GYS2: variants seen among roughly 807,000 people sequenced by gnomAD.
GYS2 encodes the protein glycogen synthase 2.
Under a neutral mutation model 85.6 loss-of-function variants are expected in GYS2, and 80 were observed. The ratio of observed to expected loss-of-function variants is 0.93; its 90% confidence interval spans 0.78 to 1.13. The LOEUF is 1.13. GYS2 is among the 50% of genes most tolerant of loss of function. GYS2 has a pLI of 0.00. For missense variants in GYS2, 881 were observed against 854.9 expected (o/e 1.03, Z -0.38); for synonymous variants, 328 against 300.7 (o/e 1.09, Z -0.94).
At position 21,604,472 on chromosome 12, in the gene GYS2, C is replaced by G; in HGVS notation, c.121G>C (p.Val41Leu). 1 of 1,596,750 alleles carries G rather than the reference C, an allele frequency of 6.3e-7. No homozygotes were observed. The highest frequency in any genetic ancestry group is 8.6e-7 in the Non-Finnish European group (1 of 1,164,650). ...FEVAWEVTNK[V>L]GGIYTVIQTK... is the part of the protein sequence containing the mutation. ...ATCCACCTTCAGGAGCAGTACAAAC[C>G]TTTATTGGTCACTTCCCAAGCAACT... Residue 41 changes from valine (V) to leucine (L), a missense_variant and splice_region_variant, in exon 1 of 16, where the codon GTT becomes CTT. Transcript: ENST00000261195.
chr12:21,545,664 T>G (rs985419351), intron 12 of GYS2, among the ~76,000 whole-genome samples: 3 of 152,116 alleles, frequency 2.0e-5, no homozygotes, highest in Non-Finnish European at 2.9e-5. Context: ...GAAAAATACA[T>G]AGTAAACCTG....
intron 7 of GYS2, 129 bp from the exon 8 acceptor site, chr12:21,560,621 C>A: frequency 1.5e-6 from 1 of 659,382 alleles, no homozygotes; most frequent in Non-Finnish European, 2.7e-6. Context: ...ATTTATGTTT[C>A]ACAGAGAGAT....
rs1209781801 is a variant in GYS2, at chr12:21,537,192, T to C, written c.1891-17A>G. Reference sequence around the variant, plus strand: ...TCCTTCTGTCTGCCAAAGACAAAAATAAGACATAAACATCACAACAGTTTC... The same window carrying C: ...TCCTTCTGTCTGCCAAAGACAAAAACAAGACATAAACATCACAACAGTTTC... On this transcript the variant is annotated splice_polypyrimidine_tract_variant and intron_variant, in intron 15 of 15. Coordinates refer to ENST00000261195, the MANE Select transcript of GYS2 (RefSeq NM_021957.4). 8.9e-6 allele frequency: 14 copies of C among 1,570,168 alleles called. No homozygotes were observed. The highest frequency in any genetic ancestry group is 2.6e-6 in the Non-Finnish European group (3 of 1,140,574).
At chr12:21,567,297 T>C (rs568505900) in intron 5 of GYS2, among the ~76,000 whole-genome samples, 107 of 152,164 alleles carry the variant, frequency 7.0e-4, no homozygotes, top group African/African-American at 2.3e-3. Flanking sequence ...GAAATTTTCA[T>C]TTTAGAATAG....
rs566882849 is a variant in GYS2, at chr12:21,580,322, T to C, written c.303+20A>G. 1.2e-6 allele frequency: 2 copies of C among 1,603,300 alleles called. No homozygotes were observed. The highest frequency in any genetic ancestry group is 4.5e-5 in the East Asian group (2 of 44,836). On this transcript the variant is annotated intron_variant, in intron 2 of 15. Transcript: ENST00000261195. ...CATAAGTTTACTGAGAATTGCCAAG[T>C]GAAGTGTCAGTTCCTTTACCTGGCA...
intron 4 of GYS2, 82 bp downstream of exon 4, chr12:21,574,062 A>G (rs796399905): frequency 1.8e-6 from 2 of 1,107,516 alleles, no homozygotes; most frequent in Non-Finnish European, 2.7e-6. Context: ...TGGCAGATGA[A>G]ATGTACAGAT....
chr12:21,537,372 T>A (rs1943922241), intron 15 of GYS2, 197 bp from the exon 16 acceptor site: 1 of 609,992 alleles, frequency 1.6e-6, no homozygotes, highest in South Asian at 2.0e-5. Flanking sequence ...CTATTCTTTA[T>A]TAAGTACTGA....
At chr12:21,541,323 C>T (rs865936453) in intron 13 of GYS2, among the ~76,000 whole-genome samples, 32 of 136,992 alleles carry the variant, frequency 2.3e-4, no homozygotes, top group African/African-American at 7.6e-4. Flanking sequence ...AATGTATTGG[C>T]AGACAATATA....
At chr12:21,568,750 C>A (rs762233144) in intron 5 of GYS2, 115 bp downstream of exon 5, 1 of 854,180 alleles carries the variant, frequency 1.2e-6, no homozygotes, top group Non-Finnish European at 2.0e-6. Flanking sequence ...AAAAGAGCTG[C>A]GTGGTAACTG....
At chr12:21,576,627 A>T (rs747053684) in intron 2 of GYS2, among the ~76,000 whole-genome samples, 1 of 152,170 alleles carries the variant, frequency 6.6e-6, no homozygotes, top group Non-Finnish European at 1.5e-5. Context: ...CCCTAGATAC[A>T]TTATCTCTTT....
intron 1 of GYS2, among the ~76,000 whole-genome samples, chr12:21,598,064 A>C (rs1276143751): frequency 1.3e-5 from 2 of 152,038 alleles, no homozygotes; most frequent in African/African-American, 4.8e-5. Context: ...TTATGGGAGG[A>C]AGGGAGACGA....
intron 13 of GYS2, 21 bp downstream of exon 13, chr12:21,542,475 G>A: frequency 3.3e-6 from 5 of 1,502,988 alleles, no homozygotes; most frequent in East Asian, 2.3e-5. Context: ...CCCAGCATGG[G>A]TTAATGATGA....
At chr12:21,537,590 C>G (rs139464504) in intron 15 of GYS2, among the ~76,000 whole-genome samples, 199 of 152,270 alleles carry the variant, frequency 1.3e-3, no homozygotes, top group African/African-American at 4.6e-3. Context: ...CCACCTTACA[C>G]TGCTGATACT....
intron 1 of GYS2, among the ~76,000 whole-genome samples, chr12:21,582,286 T>C (rs929079050): frequency 6.6e-6 from 1 of 152,112 alleles, no homozygotes; most frequent in Non-Finnish European, 1.5e-5. Context: ...GTCAGTGGGC[T>C]GGGGAAGGCA....
chr12:21,595,875 T>C lies in GYS2; in HGVS notation c.121+8597A>G, dbSNP rs1944690058. Among the ~76,000 whole-genome samples the C allele has an allele frequency of 3.3e-5, 5 of 152,234 alleles. No individual in the cohort carries two copies. The South Asian group carries it at 1.0e-3, about 32-fold the overall frequency. On this transcript the variant is annotated intron_variant, in intron 1 of 15. Transcript: ENST00000261195. ...GACTTCAATACTTCATTGACAGCAC[T>C]AGACAGTTCATCAAGACAGAAAGTC... is the stretch of plus-strand genomic sequence containing the variant.
At chr12:21,589,816 G>T (rs575528540) in intron 1 of GYS2, among the ~76,000 whole-genome samples, 2 of 152,112 alleles carry the variant, frequency 1.3e-5, no homozygotes, top group African/African-American at 4.8e-5. Context: ...AGCTCTCACT[G>T]GGTCCCACCC....
At chr12:21,565,930 A>G (rs1944315360) in intron 5 of GYS2, among the ~76,000 whole-genome samples, 1 of 152,132 alleles carries the variant, frequency 6.6e-6, no homozygotes, top group Non-Finnish European at 1.5e-5. Flanking sequence ...AAAATCAATA[A>G]TTGCAACACT....
intron 8 of GYS2, 51 bp from the exon 9 acceptor site, chr12:21,559,761 CT>C: frequency 1.8e-6 from 2 of 1,108,516 alleles, no homozygotes; most frequent in Admixed American, 1.7e-5. Context: ...AATGTTTAAT[CT>C]TTATTTGTCA....
intron 11 of GYS2, among the ~76,000 whole-genome samples, chr12:21,546,936 G>A (rs1591780663): frequency 1.3e-5 from 2 of 152,208 alleles, no homozygotes; most frequent in East Asian, 3.8e-4. Flanking sequence ...GGACAGGGAA[G>A]ATGTTCTAGG....
Sources: gnomAD v4.1 joint callset for allele counts (sites outside exome capture counted in the v4.1 genomes callset) on GRCh38, gnomAD v4.1.1 for gene constraint, MANE v1.5 for transcripts, NCBI Gene and HGNC (gene_info 2026-07-23, HGNC 2026-07-21) for gene names.